ARHGAP44: variants seen among roughly 807,000 people sequenced by gnomAD.
ARHGAP44 encodes rho GTPase-activating protein 44.
ARHGAP44 carries 43 observed loss-of-function variants against 106.8 expected under a neutral mutation model. That is an observed-to-expected ratio of 0.40 (90% CI 0.32 to 0.52). The LOEUF is 0.52. Ranked by LOEUF, ARHGAP44 falls within the 20% of genes least tolerant of loss-of-function variation. The pLI is 0.48. For synonymous variants in ARHGAP44, 439 were observed against 410.3 expected (o/e 1.07, Z -0.85); for missense variants, 866 against 1,050.5 (o/e 0.82, Z 2.43).
intron 1 of ARHGAP44, among the ~76,000 whole-genome samples, chr17:12,801,840 T>G (rs1290444391): frequency 6.6e-6 from 1 of 152,102 alleles, no homozygotes; most frequent in Non-Finnish European, 1.5e-5. Context: ...TGCTTATGCT[T>G]TTTTTTAACT....
chr17:12,799,594 CT>C (rs2034025974), intron 1 of ARHGAP44, among the ~76,000 whole-genome samples: 1 of 152,190 alleles, frequency 6.6e-6, no homozygotes, highest in African/African-American at 2.4e-5. Context: ...GCCTCCACCC[CT>C]GTTGAATCTC....
chr17:12,830,257 G>A (rs774866596), intron 1 of ARHGAP44, among the ~76,000 whole-genome samples: 8 of 152,116 alleles, frequency 5.3e-5, no homozygotes, highest in Non-Finnish European at 8.8e-5. Context: ...AAGATGCTCC[G>A]TTGAGAAAAT....
At chr17:12,886,964 G>GTTTTT (rs769468845) in intron 1 of ARHGAP44, among the ~76,000 whole-genome samples, 1 of 109,000 alleles carries the variant, frequency 9.2e-6, no homozygotes, top group Non-Finnish European at 1.8e-5. Flanking sequence ...TTTTCTAAGA[G>GTTTTT]TTTTTTTTTT....
At chr17:12,814,870 A>C (rs1277266889) in intron 1 of ARHGAP44, among the ~76,000 whole-genome samples, 1 of 152,274 alleles carries the variant, frequency 6.6e-6, no homozygotes, top group African/African-American at 2.4e-5. Flanking sequence ...CCAAAAAAGC[A>C]AAAACCCTCC....
At position 12,943,678 on chromosome 17, in the gene ARHGAP44, A is replaced by G; in HGVS notation, c.733+9A>G. On this transcript the variant is annotated intron_variant, in intron 9 of 20. Transcript: ENST00000379672. ...GATCAAAGCACAACAGGGTAAGTGC[A>G]GGCCTTCCCTGGAGAAGGGAGGGCC... 4 of 1,613,168 alleles carry G rather than the reference A, an allele frequency of 2.5e-6. No individual in the cohort carries two copies. Among genetic ancestry groups the G allele is most frequent in the Non-Finnish European group, 3.4e-6 (4 of 1,179,614 alleles).
intron 6 of ARHGAP44, among the ~76,000 whole-genome samples, chr17:12,927,268 G>A (rs1010224031): frequency 6.6e-6 from 1 of 152,166 alleles, no homozygotes; most frequent in African/African-American, 2.4e-5. Context: ...CATTCTTTAA[G>A]TGACAGAGAA....
At chr17:12,913,959 A>AT (rs781160238) in intron 4 of ARHGAP44, among the ~76,000 whole-genome samples, 187 of 89,782 alleles carry the variant, frequency 2.1e-3, no homozygotes, top group Non-Finnish European at 3.4e-3. Flanking sequence ...ATAGAGTGAG[A>AT]TTTTGTCTCA....
intron 18 of ARHGAP44, among the ~76,000 whole-genome samples, chr17:12,975,469 C>T (rs1407759230): frequency 6.6e-6 from 1 of 152,030 alleles, no homozygotes; most frequent in Admixed American, 6.6e-5. Context: ...CCATGGGTAG[C>T]TTGATGAATA....
In ARHGAP44 at chr17:12,949,397, G is replaced by GCACCCAGCCCTGAAA; in HGVS notation, c.973+147_973+148insACCCAGCCCTGAAAC. On this transcript the variant is annotated intron_variant, in intron 11 of 20. Coordinates refer to ENST00000379672, the MANE Select transcript of ARHGAP44 (RefSeq NM_014859.6). The surrounding 1 kb of genome is among the most constrained non-coding windows in gnomAD (Gnocchi z 4.1). The stretch of plus-strand genomic sequence containing the variant: ...TGTCCACTCAGTGCCCAGTTTCAGG[G>GCACCCAGCCCTGAAA]CTGGGTGCTCTGGCCCCTTGAAGGA... 2 of 949,344 alleles carry GCACCCAGCCCTGAAA rather than the reference G, an allele frequency of 2.1e-6. No individual in the cohort carries two copies. The highest frequency in any genetic ancestry group is 3.1e-6 in the Non-Finnish European group (2 of 639,892). The allele number at this position is 949,344 out of a possible 1,614,324, so 58.8% of individuals were successfully genotyped here.
intron 1 of ARHGAP44, among the ~76,000 whole-genome samples, chr17:12,885,454 A>T (rs1456848320): frequency 6.6e-6 from 1 of 151,516 alleles, no homozygotes; most frequent in East Asian, 1.9e-4. Context: ...CATCGGCTGT[A>T]CCATTTTGCT....
intron 1 of ARHGAP44, among the ~76,000 whole-genome samples, chr17:12,870,729 C>T (rs2036383840): frequency 6.6e-6 from 1 of 152,200 alleles, no homozygotes; most frequent in Non-Finnish European, 1.5e-5. Context: ...GTTATTTACA[C>T]ACTATTTACT....
intron 7 of ARHGAP44, among the ~76,000 whole-genome samples, chr17:12,930,430 G>T (rs1419968311): frequency 1.3e-5 from 2 of 151,954 alleles, no homozygotes; most frequent in Non-Finnish European, 1.5e-5. Context: ...AGAGACGGGG[G>T]TTTTACCATA....
chr17:12,810,622 G>C (rs2034409294), intron 1 of ARHGAP44, among the ~76,000 whole-genome samples: 1 of 152,158 alleles, frequency 6.6e-6, no homozygotes, highest in East Asian at 1.9e-4. Flanking sequence ...ATGCATATGG[G>C]ATGAGATCTC....
chr17:12,924,217 C>T (rs11869729), intron 6 of ARHGAP44, among the ~76,000 whole-genome samples: 3,251 of 152,236 alleles, frequency 0.021, 115 homozygotes, highest in African/African-American at 0.074. Flanking sequence ...TAATTTATCT[C>T]GTGTTTAATT....
chr17:12,968,217 G>T (rs1359175708), intron 16 of ARHGAP44, among the ~76,000 whole-genome samples: 1 of 152,092 alleles, frequency 6.6e-6, no homozygotes, highest in African/African-American at 2.4e-5. Context: ...TTGCCACCTC[G>T]GGTGCTTGAA....
intron 1 of ARHGAP44, among the ~76,000 whole-genome samples, chr17:12,818,131 T>C (rs1372087532): frequency 6.6e-6 from 1 of 151,830 alleles, no homozygotes; most frequent in Non-Finnish European, 1.5e-5. Context: ...GTAAAAAATA[T>C]AAAACATTAT....
In ARHGAP44 at chr17:12,949,132, G is replaced by A; in HGVS notation, c.862-8G>A. ...TTGCTGTGCGCTGACCCTCTGTCCT[G>A]TTGGTAGGGACTCTTCCGAGTAGCC... On this transcript the variant is annotated splice_region_variant and splice_polypyrimidine_tract_variant and intron_variant, in intron 10 of 20. Coordinates refer to ENST00000379672, the MANE Select transcript of ARHGAP44 (RefSeq NM_014859.6). This position sits in a 1 kb window ranked among gnomAD's most constrained non-coding sequence, Gnocchi z 4.1. The A allele has an allele frequency of 6.4e-7, 1 of 1,561,380 alleles. No homozygotes were observed. The highest frequency in any genetic ancestry group is 8.7e-7 in the Non-Finnish European group (1 of 1,152,894).
chr17:12,847,502 T>A (rs1327681087), intron 1 of ARHGAP44, among the ~76,000 whole-genome samples: 4 of 146,344 alleles, frequency 2.7e-5, no homozygotes, highest in Non-Finnish European at 5.9e-5. Context: ...TCCTTCAAGC[T>A]ACCATCACTC....
intron 1 of ARHGAP44, among the ~76,000 whole-genome samples, chr17:12,870,048 C>CTTTT (rs3074688): frequency 0.047 from 5,268 of 113,054 alleles, 470 homozygotes; most frequent in African/African-American, 0.096. Flanking sequence ...CAAATACCGT[C>CTTTT]TTTTTTTTTT....
Sources: allele counts gnomAD v4.1 joint callset (sites outside exome capture counted in the v4.1 genomes callset), GRCh38; gene constraint gnomAD v4.1.1; non-coding constraint Gnocchi (gnomAD v3.1); transcripts MANE v1.5; gene names NCBI Gene and HGNC (gene_info 2026-07-23, HGNC 2026-07-21).